SMYD3: variants seen among roughly 807,000 people sequenced by gnomAD.
SMYD3 encodes histone-lysine N-methyltransferase SMYD3.
SMYD3 carries 36 observed loss-of-function variants against 57.7 expected under a neutral mutation model. The observed-to-expected ratio is 0.62, with a 90% confidence interval of 0.48 to 0.82. The LOEUF (loss-of-function observed/expected upper bound fraction) is 0.82. SMYD3 is among the 40% of genes least tolerant of loss of function. SMYD3 has a pLI of 0.00. For missense variants in SMYD3, 515 were observed against 538.8 expected, an observed-to-expected ratio of 0.96 and a Z score of 0.44; for synonymous variants, 211 against 195.0, an observed-to-expected ratio of 1.08 and a Z score of -0.68.
At chr1:245,771,480 T>G (rs1327719934) in intron 10 of SMYD3, among the ~76,000 whole-genome samples, 1 of 152,270 alleles carries the variant, frequency 6.6e-6, no homozygotes, top group African/African-American at 2.4e-5. Context: ...TACTAAATTT[T>G]GAGCCTTCTG....
At chr1:246,497,873 A>G (rs566883176) in intron 1 of SMYD3, among the ~76,000 whole-genome samples, 2 of 147,138 alleles carry the variant, frequency 1.4e-5, no homozygotes, top group East Asian at 2.0e-4. Flanking sequence ...TCTCTAGAGG[A>G]AAAAAAAAAA....
intron 5 of SMYD3, among the ~76,000 whole-genome samples, chr1:245,946,958 A>G (rs1572761435): frequency 6.6e-6 from 1 of 152,214 alleles, no homozygotes; most frequent in East Asian, 1.9e-4. Context: ...CACTCTGTCA[A>G]AACATAAGTT....
chr1:246,258,445 GA>G (rs1341770604), intron 5 of SMYD3, among the ~76,000 whole-genome samples: 4 of 151,996 alleles, frequency 2.6e-5, no homozygotes, highest in East Asian at 3.9e-4. Flanking sequence ...TGCTTGTCTG[GA>G]AAAAAATTTT....
chr1:245,938,638 C>T (rs1488973543), intron 5 of SMYD3, among the ~76,000 whole-genome samples: 1 of 152,154 alleles, frequency 6.6e-6, no homozygotes, highest in Non-Finnish European at 1.5e-5. Flanking sequence ...TAATTCTTCC[C>T]CTTCTTCTTC....
chr1:246,499,593 T>G (rs1193341729), intron 1 of SMYD3, among the ~76,000 whole-genome samples: 1 of 151,796 alleles, frequency 6.6e-6, no homozygotes, highest in African/African-American at 2.4e-5. Context: ...AGTAGCTTGA[T>G]TACAGGCATG....
intron 5 of SMYD3, among the ~76,000 whole-genome samples, chr1:246,209,943 C>G (rs1396836409): frequency 6.6e-6 from 1 of 152,172 alleles, no homozygotes; most frequent in Middle Eastern, 3.2e-3. Flanking sequence ...TCATGAATTA[C>G]AACTGACAAA....
intron 5 of SMYD3, among the ~76,000 whole-genome samples, chr1:246,007,117 G>A (rs2059188628): frequency 6.6e-6 from 1 of 152,222 alleles, no homozygotes; most frequent in South Asian, 2.1e-4. Flanking sequence ...GGCTGCTGGA[G>A]AAGCGGCCAC....
chr1:246,259,755 C>T (rs184320025), intron 5 of SMYD3, among the ~76,000 whole-genome samples: 3 of 152,300 alleles, frequency 2.0e-5, no homozygotes, highest in East Asian at 3.9e-4. Context: ...GTCAGGTCCA[C>T]CTAAAGGTCC....
intron 5 of SMYD3, among the ~76,000 whole-genome samples, chr1:245,983,803 T>C (rs2058648016): frequency 6.6e-6 from 1 of 152,076 alleles, no homozygotes; most frequent in Admixed American, 6.6e-5. Flanking sequence ...GATGGAATCG[T>C]TTCGGTTTCA....
At chr1:245,840,825 C>T (rs1184052337) in intron 10 of SMYD3, among the ~76,000 whole-genome samples, 1 of 150,924 alleles carries the variant, frequency 6.6e-6, no homozygotes, top group African/African-American at 2.4e-5. Flanking sequence ...GGAGAAGAAA[C>T]CCACTGCTTT....
chr1:246,322,484 A>G (rs2065266767), intron 5 of SMYD3: 1 of 152,136 alleles, frequency 6.6e-6, no homozygotes, highest in Non-Finnish European at 1.5e-5. Context: ...GGAGACATAC[A>G]TCTTCTCTTC....
intron 1 of SMYD3, among the ~76,000 whole-genome samples, chr1:246,447,579 A>G (rs1369462867): frequency 6.6e-6 from 1 of 152,218 alleles, no homozygotes; most frequent in Non-Finnish European, 1.5e-5. Flanking sequence ...GATTATCTCA[A>G]TACAAGAAAT....
At chr1:245,838,009 CAGTTGAAAATATG>C (rs2148407729) in intron 10 of SMYD3, among the ~76,000 whole-genome samples, 1 of 152,304 alleles carries the variant, frequency 6.6e-6, no homozygotes, top group East Asian at 1.9e-4. Context: ...AATTAGTTGG[CAGTTGAAAATATG>C]ATCTCTGACT....
At chr1:245,851,893 G>A (rs1349531924) in intron 10 of SMYD3, among the ~76,000 whole-genome samples, 3 of 152,134 alleles carry the variant, frequency 2.0e-5, no homozygotes, top group South Asian at 2.1e-4. Context: ...AGGAGGTGAC[G>A]GAAAGCACAG....
chr1:246,255,973 G>C (rs1367677910), intron 5 of SMYD3, among the ~76,000 whole-genome samples: 2 of 151,314 alleles, frequency 1.3e-5, no homozygotes, highest in African/African-American at 4.9e-5. Flanking sequence ...TAGATAGATA[G>C]ATAGATAGAT....
intron 10 of SMYD3, among the ~76,000 whole-genome samples, chr1:245,815,821 T>C (rs2048774561): frequency 6.6e-6 from 1 of 152,232 alleles, no homozygotes; most frequent in South Asian, 2.1e-4. Context: ...TTACGGGCCT[T>C]TGAAGTGTTT....
intron 1 of SMYD3, among the ~76,000 whole-genome samples, chr1:246,404,659 T>C (rs1268391642): frequency 6.6e-6 from 1 of 152,162 alleles, no homozygotes; most frequent in African/African-American, 2.4e-5. Flanking sequence ...CCTCTTTACT[T>C]GATCTCTGTG....
chr1:246,431,216 C>CA (rs548664597), intron 1 of SMYD3, among the ~76,000 whole-genome samples: 23 of 151,154 alleles, frequency 1.5e-4, no homozygotes, highest in Admixed American at 5.9e-4. Flanking sequence ...GTATCTTAAT[C>CA]AAAAAAAAGA....
intron 1 of SMYD3, among the ~76,000 whole-genome samples, chr1:246,386,129 C>A (rs2066476387): frequency 2.0e-5 from 3 of 152,304 alleles, no homozygotes; most frequent in Non-Finnish European, 4.4e-5. Context: ...ACCTCGTGAT[C>A]CATCCGCCTC....
Sources: gnomAD v4.1 joint callset for allele counts (sites outside exome capture counted in the v4.1 genomes callset) on GRCh38, gnomAD v4.1.1 for gene constraint, MANE v1.5 for transcripts, NCBI Gene and HGNC (gene_info 2026-07-23, HGNC 2026-07-21) for gene names.